The following TRPV3 variants were observed in gnomAD, a reference collection of about 807,000 sequenced individuals.
The protein encoded by TRPV3 is transient receptor potential cation channel subfamily V member 3.
TRPV3 carries 88 observed loss-of-function variants against 87.1 expected under a neutral mutation model. That is an observed-to-expected ratio of 1.01 (90% confidence interval 0.85 to 1.21). The LOEUF (loss-of-function observed/expected upper bound fraction) is 1.21, where lower values mean the gene tolerates loss of function less well. TRPV3 is among the 50% of genes most tolerant of loss of function. The pLI is 0.00. For missense variants in TRPV3, 1,054 were observed against 1,030.1 expected, an observed-to-expected ratio of 1.02 and a Z score of -0.32; for synonymous variants, 438 against 423.3, an observed-to-expected ratio of 1.03 and a Z score of -0.43.
Position 3,530,641 on chromosome 17 carries a change from C to G in TRPV3, c.1066-438G>C, listed in dbSNP as rs1333915308. On this transcript the variant is annotated intron_variant, in intron 8 of 17. Transcript: ENST00000576742. The surrounding 1 kb of genome is among the most constrained non-coding windows in gnomAD (Gnocchi z 4.0). Reference sequence around the variant, plus strand: ...CAAGACTCCTCCAGCTGTGGCTCACCACTCTGGCCAGGCAGGTGGTGACGA... The same window carrying G: ...CAAGACTCCTCCAGCTGTGGCTCACGACTCTGGCCAGGCAGGTGGTGACGA... Among the ~76,000 whole-genome samples the G allele has an allele frequency of 6.6e-6, 1 of 152,164 alleles. No individual in the cohort carries two copies. Among genetic ancestry groups the G allele is most frequent in the African/African-American group, 2.4e-5 (1 of 41,442 alleles).
chr17:3,554,818 G>A lies in TRPV3; in HGVS notation c.33C>T (p.Leu11=). The A allele has an allele frequency of 6.2e-7, 1 of 1,612,766 alleles. No homozygotes were observed. The highest frequency in any genetic ancestry group is 1.1e-5 in the South Asian group (1 of 90,818). The change falls in exon 2 of 18, where the codon CTC becomes CTT. Residue 11 remains leucine (L), a synonymous_variant. Coordinates refer to ENST00000576742, the MANE Select transcript of TRPV3 (RefSeq NM_145068.4). MKAHPKEMVP[L]MGKRVAAPSG... ...TGGGGGCAGCAACTCTCTTGCCCAT[G>A]AGAGGCACCATCTCCTTGGGGTGGG...
chr17:3,545,317 C>A (rs2074513812), intron 2 of TRPV3, 46 bp from the exon 3 acceptor site: 1 of 1,410,236 alleles, frequency 7.1e-7, no homozygotes, highest in Non-Finnish European at 1.0e-6. Flanking sequence ...CCAGGCAGAG[C>A]CTGTCTGCCT....
intron 7 of TRPV3, 33 bp downstream of exon 7, chr17:3,535,540 C>T (rs767244247): frequency 1.9e-6 from 3 of 1,551,974 alleles, no homozygotes; most frequent in Non-Finnish European, 2.6e-6. Flanking sequence ...CTCCCTCCTC[C>T]CAGACTCCGC....
Position 3,518,827 on chromosome 17 carries a change from A to G in TRPV3, c.1834T>C (p.Cys612Arg). Residue 612 changes from cysteine to arginine, a missense_variant, in exon 15 of 18, where the codon TGT becomes CGT. Physicochemically the swap from Cys to Arg is radical, Grantham distance 180 (BLOSUM62 -3). Coordinates refer to ENST00000576742, the MANE Select transcript of TRPV3 (RefSeq NM_145068.4). The surrounding 1 kb of genome is among the most constrained non-coding windows in gnomAD (Gnocchi z 4.3). ...GVALASLIEK[C>R]PKDNKDCSSY... ...CTGCAGTCCTTGTTGTCTTTGGGAC[A>G]CTTCTCGATCAGCGAGGCCAAGGCT... 1 of 1,614,006 alleles carries G rather than the reference A, an allele frequency of 6.2e-7. No individual in the cohort carries two copies. The highest frequency in any genetic ancestry group is 1.3e-5 in the African/African-American group (1 of 75,042).
intron 13 of TRPV3, among the ~76,000 whole-genome samples, chr17:3,523,893 T>TACACACACACACACACAC (rs1247800485): frequency 5.4e-5 from 8 of 147,912 alleles, no homozygotes; most frequent in African/African-American, 1.8e-4. Context: ...ATATTCCACC[T>TACACACACACACACACAC]ACACACACAC....
At chr17:3,526,149 T>A (rs1378843720) in intron 12 of TRPV3, among the ~76,000 whole-genome samples, 2 of 152,010 alleles carry the variant, frequency 1.3e-5, no homozygotes, top group African/African-American at 2.4e-5. Context: ...TAGACTGAAA[T>A]GAAGAATGTC....
At chr17:3,517,904 C>T (rs937821395) in intron 15 of TRPV3, among the ~76,000 whole-genome samples, 1 of 151,360 alleles carries the variant, frequency 6.6e-6, no homozygotes, top group African/African-American at 2.4e-5. Flanking sequence ...CTGCAACCTC[C>T]ACCTCCTGGG....
chr17:3,531,786 G>T (rs1381416340), intron 8 of TRPV3, among the ~76,000 whole-genome samples: 1 of 152,208 alleles, frequency 6.6e-6, no homozygotes, highest in Non-Finnish European at 1.5e-5. Context: ...CTCTGTTGAA[G>T]CCGTTCTCCA....
At chr17:3,521,188 T>C (rs2074242389) in intron 13 of TRPV3, 149 bp from the exon 14 acceptor site, 3 of 451,870 alleles carry the variant, frequency 6.6e-6, no homozygotes, top group South Asian at 6.4e-5. Flanking sequence ...ATCCTCCTGA[T>C]GCTCCAAGGC....
At position 3,511,371 on chromosome 17, in the gene TRPV3, G is replaced by A. The variant is rs575557835; in HGVS notation, c.*2546C>T. ...TTAAAAATAAATAAATAATGGCTCA[G>A]GGAGACATCTGTGGTCCAAGAATCA... On this transcript the variant is annotated 3_prime_UTR_variant, in exon 18 of 18. Transcript: ENST00000576742. 6 of 152,250 alleles carry A rather than the reference G, an allele frequency of 3.9e-5. No homozygotes were observed. The highest frequency in any genetic ancestry group is 3.9e-4 in the Admixed American group (6 of 15,288). 9.4% of individuals were successfully genotyped at this position (152,250 alleles called of 1,614,324 possible).
At chr17:3,521,347 C>T (rs954114105) in intron 13 of TRPV3, among the ~76,000 whole-genome samples, 1 of 152,178 alleles carries the variant, frequency 6.6e-6, no homozygotes, top group Non-Finnish European at 1.5e-5. Context: ...ATGCTGGAGC[C>T]AGCTCAGAAG....
intron 13 of TRPV3, among the ~76,000 whole-genome samples, chr17:3,521,502 C>T (rs139417698): frequency 2.0e-5 from 3 of 152,232 alleles, no homozygotes; most frequent in African/African-American, 7.2e-5. Context: ...TGAACAATAC[C>T]GTGTTGTGTA....
chr17:3,521,885 G>C (rs2074249253), intron 13 of TRPV3, among the ~76,000 whole-genome samples: 1 of 152,106 alleles, frequency 6.6e-6, no homozygotes, highest in African/African-American at 2.4e-5. Context: ...AGGCCAGCTT[G>C]GCCAACATGG....
chr17:3,541,735 C>T (rs1310132242), intron 6 of TRPV3, among the ~76,000 whole-genome samples: 3 of 152,226 alleles, frequency 2.0e-5, no homozygotes, highest in Non-Finnish European at 1.5e-5. Flanking sequence ...CATTGCTCAA[C>T]CATGCCAAGC....
chr17:3,528,737 T>C lies in TRPV3; in HGVS notation c.1401+100A>G. On this transcript the variant is annotated intron_variant, in intron 10 of 17. Coordinates refer to ENST00000576742, the MANE Select transcript of TRPV3 (RefSeq NM_145068.4). The surrounding 1 kb of genome is among the most constrained non-coding windows in gnomAD (Gnocchi z 4.2). The stretch of plus-strand genomic sequence containing the variant: ...AACTGGGGGACCCCGCCCAATCTCC[T>C]GGTCTCTCTGGGCCTCAGTTTTCCC... 2.8e-6 allele frequency: 4 copies of C among 1,421,926 alleles called. No homozygotes were observed. The highest frequency in any genetic ancestry group is 3.8e-6 in the Non-Finnish European group (4 of 1,041,532). The allele number at this position is 1,421,926 out of a possible 1,614,324, so 88.1% of individuals were successfully genotyped here.
At chr17:3,534,427 G>A (rs1024425586) in intron 7 of TRPV3, among the ~76,000 whole-genome samples, 1 of 152,062 alleles carries the variant, frequency 6.6e-6, no homozygotes, top group South Asian at 2.1e-4. Context: ...ACACCCAGAA[G>A]AGAAAACAGA....
intron 2 of TRPV3, among the ~76,000 whole-genome samples, chr17:3,551,523 C>T (rs77999006): frequency 0.014 from 2,176 of 152,292 alleles, 30 homozygotes; most frequent in Non-Finnish European, 0.023. Context: ...TACTGCATTT[C>T]TGTTCCTTAA....
chr17:3,545,450 A>C (rs1204931880), intron 2 of TRPV3, among the ~76,000 whole-genome samples, 179 bp from the exon 3 acceptor site: 1 of 152,146 alleles, frequency 6.6e-6, no homozygotes, highest in East Asian at 1.9e-4. Flanking sequence ...TGTCATTATC[A>C]CCTACGTTTC....
In TRPV3 at chr17:3,557,050, G is replaced by A. The variant is rs9894798; in HGVS notation, c.-3+626C>T. On this transcript the variant is annotated intron_variant, in intron 1 of 17. Transcript: ENST00000576742. This position sits in a 1 kb window ranked among gnomAD's most constrained non-coding sequence, Gnocchi z 4.5. The stretch of plus-strand genomic sequence containing the variant: ...GGCCTGCCCTGGGCCTCTGGGGCAG[G>A]AGAGGCTCAGGGAACTCTGGACTAG... Among the ~76,000 whole-genome samples, 11,724 of 152,048 alleles carry A rather than the reference G, an allele frequency of 0.077. 615 individuals are homozygous for A. Among genetic ancestry groups the A allele is most frequent in the Non-Finnish European group, 0.11 (7,733 of 67,944 alleles).
Sources: allele counts gnomAD v4.1 joint callset (sites outside exome capture counted in the v4.1 genomes callset), GRCh38; gene constraint gnomAD v4.1.1; non-coding constraint Gnocchi (gnomAD v3.1); transcripts MANE v1.5; gene names NCBI Gene and HGNC (gene_info 2026-07-23, HGNC 2026-07-21).